The following ANKDD1A variants were observed in gnomAD, a reference collection of about 807,000 sequenced individuals.
ANKDD1A encodes the protein ankyrin repeat and death domain-containing protein 1A.
ANKDD1A carries 59 observed loss-of-function variants against 63.5 expected under a neutral mutation model. The observed-to-expected ratio is 0.93, with a 90% CI of 0.75 to 1.15. The LOEUF (loss-of-function observed/expected upper bound fraction) is 1.15, where lower values mean the gene tolerates loss of function less well. ANKDD1A is among the 50% of genes most tolerant of loss of function. ANKDD1A has a pLI of 0.00. For missense variants in ANKDD1A, 632 were observed against 656.4 expected, an observed-to-expected ratio of 0.96 and a Z score of 0.41; for synonymous variants, 266 against 263.9, an observed-to-expected ratio of 1.01 and a Z score of -0.08.
chr15:64,926,395 G>A (rs529069504), intron 5 of ANKDD1A, among the ~76,000 whole-genome samples: 2 of 152,288 alleles, frequency 1.3e-5, no homozygotes, highest in East Asian at 1.9e-4. Context: ...TCAAGGACTA[G>A]GTGGGTTAGA....
At chr15:64,951,416 C>CTTTTCTTCTTCCTTTTTTCTT (rs2085273377) in intron 14 of ANKDD1A, 2 of 69,902 alleles carry the variant, frequency 2.9e-5, no homozygotes, top group Non-Finnish European at 4.2e-5. Flanking sequence ...TTTTTCTTTT[C>CTTTTCTTCTTCCTTTTTTCTT]TTCCTCTTTT....
intron 14 of ANKDD1A, among the ~76,000 whole-genome samples, chr15:64,953,121 ACTTT>A (rs2085331228): frequency 1.8e-5 from 2 of 109,202 alleles, no homozygotes. Context: ...TCCGCTTTCT[ACTTT>A]CTTCTTCCTT....
At chr15:64,919,064 T>C (rs1490246235) in intron 3 of ANKDD1A, among the ~76,000 whole-genome samples, 1 of 152,178 alleles carries the variant, frequency 6.6e-6, no homozygotes, top group African/African-American at 2.4e-5. Context: ...GTTCGGGAGA[T>C]ACTGGAGAAG....
intron 14 of ANKDD1A, among the ~76,000 whole-genome samples, chr15:64,951,727 C>CT (rs1437556850): frequency 7.2e-6 from 1 of 138,018 alleles, no homozygotes; most frequent in African/African-American, 2.7e-5. Context: ...CTTCCCTTTT[C>CT]TTCTTTCCTC....
intron 14 of ANKDD1A, among the ~76,000 whole-genome samples, chr15:64,955,136 C>T (rs567904973): frequency 3.3e-5 from 5 of 152,050 alleles, no homozygotes; most frequent in Non-Finnish European, 7.4e-5. Flanking sequence ...TCACTGCAAC[C>T]TCCACCTCCC....
rs1471604615 is a variant in ANKDD1A at position 64,947,494 on chromosome 15, C to G, written c.1252C>G (p.Leu418Val). The G allele has an allele frequency of 6.2e-7, 1 of 1,613,560 alleles. No homozygotes were observed. Among genetic ancestry groups the G allele is most frequent in the Non-Finnish European group, 8.5e-7 (1 of 1,179,856 alleles). The change falls in exon 13 of 15, where the codon CTG (leucine) becomes GTG (valine). Residue 418 changes from leucine (L) to valine (V), a missense_variant. Coordinates refer to ENST00000319580, the MANE Select transcript of ANKDD1A (RefSeq NM_182703.6). ...GCAGCTCCGTTCTGTGCTGTGGCGG[C>G]TGGCCTCCAGGTATCTGCAGCCCCG... ...TQQLRSVLWR[L>V]ASRYLQPREW...
Position 64,926,145 on chromosome 15 carries a change from A to G in ANKDD1A, c.446A>G (p.Asp149Gly). The G allele has an allele frequency of 6.2e-7, 1 of 1,613,942 alleles. No homozygotes were observed. The highest frequency in any genetic ancestry group is 8.5e-7 in the Non-Finnish European group (1 of 1,179,946). The change falls in exon 5 of 15, where the codon GAT becomes GGT. Residue 149 changes from aspartate to glycine, a missense_variant. Physicochemically the swap from Asp to Gly is moderately conservative, Grantham distance 94. Transcript: ENST00000319580. ...VLAFIMEDLEDVALDHVDKLG... is the reference protein window; with the variant it reads ...VLAFIMEDLEGVALDHVDKLG... ...GCGTTCATAATGGAGGACCTGGAGG[A>G]TGTGGCCCTGGACCACGTAGACAAG...
At chr15:64,953,991 C>T (rs1262584160) in intron 14 of ANKDD1A, among the ~76,000 whole-genome samples, 5 of 122,226 alleles carry the variant, frequency 4.1e-5, no homozygotes, top group Admixed American at 9.5e-5. Flanking sequence ...TATCTTCTTC[C>T]TTTCTTTCCT....
At position 64,917,458 on chromosome 15, in the gene ANKDD1A, G is replaced by A. The variant is rs745748638; in HGVS notation, c.211G>A (p.Glu71Lys). Residue 71 changes from glutamate to lysine, a missense_variant, in exon 3 of 15, where the codon GAG becomes AAG. Transcript: ENST00000319580. The part of the protein sequence containing the change: ...EQAVRLLLEH[E>K]AAVDEEDAVG... Reference sequence around the variant, plus strand: ...GGCTGTGCGTCTGCTTCTGGAGCACGAGGCTGCTGTGGACGAGGAGGATGC... The same window carrying A: ...GGCTGTGCGTCTGCTTCTGGAGCACAAGGCTGCTGTGGACGAGGAGGATGC... 22 of 1,606,574 alleles carry A rather than the reference G, an allele frequency of 1.4e-5. No individual in the cohort carries two copies. The highest frequency in any genetic ancestry group is 6.7e-5 in the South Asian group (6 of 89,688).
chr15:64,927,822 A>G (rs1482284194), intron 6 of ANKDD1A, among the ~76,000 whole-genome samples: 2 of 151,938 alleles, frequency 1.3e-5, no homozygotes, highest in East Asian at 1.9e-4. Flanking sequence ...AGCCAGGATG[A>G]TCTTGATCTC....
Position 64,946,690 on chromosome 15 carries a change from C to T in ANKDD1A, c.1162-714C>T, listed in dbSNP as rs151234834. 5.6e-3 allele frequency among the ~76,000 whole-genome samples: 860 copies of T among 152,280 alleles called. 46 individuals are homozygous for T. The South Asian group carries it at 0.12, about 22-fold the overall frequency. On this transcript the variant is annotated intron_variant, in intron 12 of 14. Transcript: ENST00000319580. Reference sequence around the variant, plus strand: ...AGATGGTCTCAATGTGCAGATGGGGCTGAAAACACTGCCCCAGGGGACCAG... The same window carrying T: ...AGATGGTCTCAATGTGCAGATGGGGTTGAAAACACTGCCCCAGGGGACCAG...
intron 1 of ANKDD1A, 47 bp downstream of exon 1, chr15:64,912,011 AC>A: frequency 1.6e-6 from 2 of 1,236,408 alleles, no homozygotes; most frequent in Non-Finnish European, 2.0e-6. Flanking sequence ...GGCCGAGAGG[AC>A]CCCCGCATCC....
At chr15:64,940,943 A>G (rs146511397) in intron 9 of ANKDD1A, among the ~76,000 whole-genome samples, 1 of 151,908 alleles carries the variant, frequency 6.6e-6, no homozygotes, top group African/African-American at 2.4e-5. Context: ...GGGTCCCACT[A>G]TGTTGTCCAG....
chr15:64,921,679 G>A (rs1188053307), intron 3 of ANKDD1A, among the ~76,000 whole-genome samples: 2 of 152,112 alleles, frequency 1.3e-5, no homozygotes, highest in East Asian at 3.9e-4. Context: ...CTGGCCGGCA[G>A]CTGTCTTATT....
intron 14 of ANKDD1A, among the ~76,000 whole-genome samples, chr15:64,953,629 TC>T (rs1233499214): frequency 1.8e-4 from 2 of 11,368 alleles, no homozygotes; most frequent in East Asian, 0.036. Context: ...TTCTTCTTCT[TC>T]CTTCTTCTTC....
intron 14 of ANKDD1A, among the ~76,000 whole-genome samples, chr15:64,952,024 T>A (rs111167896): frequency 0.017 from 2,481 of 149,498 alleles, 58 homozygotes; most frequent in African/African-American, 0.056. Flanking sequence ...TTCTATCTTC[T>A]TTTTCTTCTT....
chr15:64,924,679 T>C (rs1220779987), intron 4 of ANKDD1A, among the ~76,000 whole-genome samples: 2 of 152,254 alleles, frequency 1.3e-5, no homozygotes, highest in Non-Finnish European at 2.9e-5. Flanking sequence ...TAATATTCTA[T>C]AATGCTTTAG....
chr15:64,919,611 TG>T (rs748487065), intron 3 of ANKDD1A, among the ~76,000 whole-genome samples: 3 of 152,186 alleles, frequency 2.0e-5, no homozygotes, highest in Non-Finnish European at 4.4e-5. Flanking sequence ...GGTCAGCTTT[TG>T]GCGTTCTCTT....
At chr15:64,956,283 C>T (rs750538563) in intron 14 of ANKDD1A, among the ~76,000 whole-genome samples, 49 of 145,884 alleles carry the variant, frequency 3.4e-4, no homozygotes, top group South Asian at 1.1e-3. Flanking sequence ...GGCGCAGTGG[C>T]TCATGCCTGT....
Sources: gnomAD v4.1 joint callset for allele counts (sites outside exome capture counted in the v4.1 genomes callset) on GRCh38, gnomAD v4.1.1 for gene constraint, MANE v1.5 for transcripts, NCBI Gene and HGNC (gene_info 2026-07-23, HGNC 2026-07-21) for gene names.